The following BACH2 variants were observed in gnomAD, a reference collection of about 807,000 sequenced individuals.
The protein encoded by BACH2 is transcription regulator protein BACH2.
Under a neutral mutation model 61.8 loss-of-function variants are expected in BACH2, and 5 were observed. That is an observed-to-expected ratio of 0.08 (90% CI 0.04 to 0.17). The LOEUF (loss-of-function observed/expected upper bound fraction) is 0.17. BACH2 is among the 10% of genes least tolerant of loss of function. BACH2 has a pLI of 1.00. For synonymous variants in BACH2, 446 were observed against 440.1 expected, an observed-to-expected ratio of 1.01 and a Z score of -0.17; for missense variants, 824 against 1,091.1, an observed-to-expected ratio of 0.76 and a Z score of 3.45.
intron 4 of BACH2, among the ~76,000 whole-genome samples, chr6:90,184,231 T>C (rs1398591669): frequency 6.6e-6 from 1 of 152,220 alleles, no homozygotes; most frequent in Non-Finnish European, 1.5e-5. Flanking sequence ...ACATGCTCAG[T>C]GGAGATATTT....
chr6:90,121,555 AT>A (rs1783626844), intron 4 of BACH2, among the ~76,000 whole-genome samples: 1 of 152,096 alleles, frequency 6.6e-6, no homozygotes, highest in African/African-American at 2.4e-5. Context: ...TAATTAATTT[AT>A]TTTGAGACGA....
chr6:90,214,526 AT>A (rs1441880955), intron 3 of BACH2, among the ~76,000 whole-genome samples: 1 of 152,216 alleles, frequency 6.6e-6, no homozygotes, highest in African/African-American at 2.4e-5. Flanking sequence ...AAAGTTTCTA[AT>A]TAAGGAACTA....
chr6:90,019,592 G>A (rs1421781658), intron 5 of BACH2, among the ~76,000 whole-genome samples: 4 of 146,462 alleles, frequency 2.7e-5, no homozygotes, highest in Non-Finnish European at 4.5e-5. Flanking sequence ...CACAAAGAGC[G>A]GGATACTGTC....
At chr6:90,085,931 G>A (rs997275188) in intron 5 of BACH2, among the ~76,000 whole-genome samples, 1 of 152,114 alleles carries the variant, frequency 6.6e-6, no homozygotes, top group East Asian at 1.9e-4. Context: ...TTCATCTCCG[G>A]AACTCTCCAA....
chr6:89,950,734 G>T lies in BACH2; in HGVS notation c.1372C>A (p.Leu458Ile). Residue 458 changes from leucine (L) to isoleucine (I), a missense_variant, in exon 7 of 9, where the codon CTC becomes ATC. Around this residue, in one of 8 missense-constraint regions of BACH2, gnomAD observed 102 missense variants for 98.1 expected, o/e 1.04. Coordinates refer to ENST00000257749, the MANE Select transcript of BACH2 (RefSeq NM_021813.4). This position sits in a 1 kb window ranked among gnomAD's most constrained non-coding sequence, Gnocchi z 5.3. Reference sequence around the variant, plus strand: ...AGACCCTTTGGCACCGGCTCAGAGAGGTCTTTGTCCAAACTGCTCACCCCA... The same window carrying T: ...AGACCCTTTGGCACCGGCTCAGAGATGTCTTTGTCCAAACTGCTCACCCCA... The part of the protein sequence containing the change: ...YSGVSSLDKD[L>I]SEPVPKGLWV... 1 of 1,614,148 alleles carries T rather than the reference G, an allele frequency of 6.2e-7. No individual in the cohort carries two copies.
chr6:90,039,256 G>T (rs957150407), intron 5 of BACH2, among the ~76,000 whole-genome samples: 1 of 152,078 alleles, frequency 6.6e-6, no homozygotes, highest in African/African-American at 2.4e-5. Context: ...TTGTAATTTT[G>T]TACACATATC....
chr6:90,006,503 A>G (rs1777413332), intron 6 of BACH2, among the ~76,000 whole-genome samples: 1 of 152,208 alleles, frequency 6.6e-6, no homozygotes, highest in South Asian at 2.1e-4. Flanking sequence ...TAGTGTTGGG[A>G]TCTCTCTAGC....
intron 6 of BACH2, among the ~76,000 whole-genome samples, chr6:90,004,806 A>C (rs1582178359): frequency 6.6e-6 from 1 of 152,198 alleles, no homozygotes; most frequent in African/African-American, 2.4e-5. Flanking sequence ...TTCATCTCTT[A>C]GCAAAACATA....
chr6:89,937,310 G>A lies in BACH2; in HGVS notation c.2043+834C>T, dbSNP rs138424418. On this transcript the variant is annotated intron_variant, in intron 8 of 8. Transcript: ENST00000257749. ...CTCTTCTGCCAGGAGGCAGGAGAAA[G>A]CAGTGGTACAAGACACGATTTGGAA... Among the ~76,000 whole-genome samples, 1,368 of 152,260 alleles carry A rather than the reference G, an allele frequency of 9.0e-3. 11 individuals carry two copies. The highest frequency in any genetic ancestry group is 0.013 in the Admixed American group (200 of 15,292).
At chr6:90,203,829 C>T (rs4706360) in intron 4 of BACH2, among the ~76,000 whole-genome samples, 48,020 of 151,926 alleles carry the variant, frequency 0.32, 8,891 homozygotes, top group Non-Finnish European at 0.42. Flanking sequence ...CACCAACATG[C>T]GAGCTATCCA....
intron 6 of BACH2, among the ~76,000 whole-genome samples, chr6:90,004,616 T>C (rs905920745): frequency 6.6e-6 from 1 of 152,118 alleles, no homozygotes; most frequent in African/African-American, 2.4e-5. Context: ...AGGAAGCACA[T>C]CCCCTCCCTG....
intron 5 of BACH2, among the ~76,000 whole-genome samples, chr6:90,040,353 G>T (rs1212595568): frequency 6.6e-6 from 1 of 152,068 alleles, no homozygotes; most frequent in Admixed American, 6.5e-5. Flanking sequence ...GATTTGAGAT[G>T]CTTCCTTAAT....
intron 5 of BACH2, among the ~76,000 whole-genome samples, chr6:90,087,123 G>A (rs1781964990): frequency 6.6e-6 from 1 of 152,052 alleles, no homozygotes; most frequent in Admixed American, 6.6e-5. Flanking sequence ...TCTATCTCCA[G>A]GATTTTTGAC....
intron 2 of BACH2, among the ~76,000 whole-genome samples, chr6:90,264,778 C>A (rs1299126137): frequency 6.6e-6 from 1 of 152,158 alleles, no homozygotes; most frequent in Non-Finnish European, 1.5e-5. Context: ...CCCAGTGAGA[C>A]CCTGGTTCAC....
intron 3 of BACH2, among the ~76,000 whole-genome samples, chr6:90,226,515 T>C (rs1582507798): frequency 6.6e-6 from 1 of 152,290 alleles, no homozygotes; most frequent in East Asian, 1.9e-4. Context: ...GAGATGTGCA[T>C]AAACGACTCA....
chr6:90,126,398 T>TACGGC (rs1246318127), intron 4 of BACH2, among the ~76,000 whole-genome samples: 1 of 152,206 alleles, frequency 6.6e-6, no homozygotes, highest in African/African-American at 2.4e-5. Context: ...TACTGGCAGA[T>TACGGC]ACGGCACGGG....
chr6:90,064,920 C>T (rs1780867415), intron 5 of BACH2, among the ~76,000 whole-genome samples: 1 of 152,138 alleles, frequency 6.6e-6, no homozygotes, highest in South Asian at 2.1e-4. Context: ...TAATTCAATT[C>T]AGCAAGCATG....
At chr6:90,005,148 C>T (rs1777340868) in intron 6 of BACH2, among the ~76,000 whole-genome samples, 1 of 152,044 alleles carries the variant, frequency 6.6e-6, no homozygotes, top group Non-Finnish European at 1.5e-5. Flanking sequence ...TGGAATTGCA[C>T]AACTGGACAG....
chr6:90,287,816 A>T (rs148907644), intron 1 of BACH2, among the ~76,000 whole-genome samples: 36 of 152,354 alleles, frequency 2.4e-4, no homozygotes, highest in African/African-American at 8.4e-4. Context: ...GATGCTTCAG[A>T]AAAGTAACAC....
Sources: allele counts gnomAD v4.1 joint callset (sites outside exome capture counted in the v4.1 genomes callset), GRCh38; gene constraint gnomAD v4.1.1; regional missense constraint gnomAD v4.1.1; non-coding constraint Gnocchi (gnomAD v3.1); transcripts MANE v1.5; gene names NCBI Gene and HGNC (gene_info 2026-07-23, HGNC 2026-07-21).